Variants in BACH2 observed in about 807,000 individuals in gnomAD.
The protein encoded by BACH2 is transcription regulator protein BACH2.
In BACH2, 5 loss-of-function variants were observed where a neutral mutation model predicts 61.8. The ratio of observed to expected loss-of-function variants is 0.08; its 90% CI spans 0.04 to 0.17. The LOEUF is 0.17. Ranked by LOEUF, BACH2 falls within the 10% of genes least tolerant of loss-of-function variation. The probability of loss-of-function intolerance (pLI) is 1.00; values close to 1 mark genes in which losing one functional copy is unlikely to be tolerated. For missense variants in BACH2, 824 were observed against 1,091.1 expected, an observed-to-expected ratio of 0.76 and a Z score of 3.45; for synonymous variants, 446 against 440.1, an observed-to-expected ratio of 1.01 and a Z score of -0.17.
intron 6 of BACH2, among the ~76,000 whole-genome samples, chr6:89,967,422 C>T (rs377749587): frequency 6.6e-5 from 10 of 152,230 alleles, no homozygotes; most frequent in African/African-American, 1.4e-4. Flanking sequence ...TACAGCATCC[C>T]GGGTGTTCCA....
At chr6:89,983,214 C>T (rs891764913) in intron 6 of BACH2, among the ~76,000 whole-genome samples, 1 of 152,232 alleles carries the variant, frequency 6.6e-6, no homozygotes, top group African/African-American at 2.4e-5. Flanking sequence ...GGACATCATC[C>T]TTGCTTCTGT....
intron 3 of BACH2, among the ~76,000 whole-genome samples, chr6:90,232,647 G>C (rs887877736): frequency 6.6e-6 from 1 of 152,206 alleles, no homozygotes; most frequent in Non-Finnish European, 1.5e-5. Context: ...CAGTAGGGCT[G>C]CATGTCAACC....
chr6:90,164,457 GATTCACAGCTGA>G (rs972440070), intron 4 of BACH2, among the ~76,000 whole-genome samples: 282 of 151,560 alleles, frequency 1.9e-3, no homozygotes, highest in African/African-American at 6.4e-3. Context: ...GGACCAGATG[GATTCACAGCTGA>G]ATTCTACCAG....
chr6:90,011,672 C>T (rs1053735744), intron 5 of BACH2, among the ~76,000 whole-genome samples: 1 of 152,140 alleles, frequency 6.6e-6, no homozygotes, highest in African/African-American at 2.4e-5. Context: ...CCTGTAATCC[C>T]AGCACTTTGG....
At chr6:90,057,584 A>G (rs1251786701) in intron 5 of BACH2, among the ~76,000 whole-genome samples, 2 of 152,226 alleles carry the variant, frequency 1.3e-5, no homozygotes, top group Admixed American at 1.3e-4. Context: ...AAACTATTCC[A>G]ATCAACAGAA....
At position 90,265,417 on chromosome 6, in the gene BACH2, T is replaced by C. The variant is rs1771292253; in HGVS notation, c.-353+6432A>G. Among the ~76,000 whole-genome samples the C allele has an allele frequency of 3.3e-5, 5 of 152,330 alleles. No individual in the cohort carries two copies. The South Asian group carries it at 1.0e-3, about 32-fold the overall frequency. On this transcript the variant is annotated intron_variant, in intron 2 of 8. Transcript: ENST00000257749. ...ACTTTAGGCTGTACAAGTATTTTCT[T>C]TGGGATGCAAACACTTTGATATAAA...
chr6:90,218,956 TGACACAGA>T (rs1769642237), intron 3 of BACH2, among the ~76,000 whole-genome samples: 1 of 149,404 alleles, frequency 6.7e-6, no homozygotes, highest in Admixed American at 6.7e-5. Flanking sequence ...TGTGTGTGTG[TGACACAGA>T]GAGTGAGAGT....
At chr6:89,960,826 G>T (rs528679765) in intron 6 of BACH2, among the ~76,000 whole-genome samples, 4 of 152,206 alleles carry the variant, frequency 2.6e-5, no homozygotes, top group African/African-American at 9.7e-5. Context: ...TGATGTCTAG[G>T]GGGAGCGTTA....
chr6:90,189,347 G>T (rs1768474335), intron 4 of BACH2, among the ~76,000 whole-genome samples: 1 of 151,438 alleles, frequency 6.6e-6, no homozygotes, highest in Non-Finnish European at 1.5e-5. Context: ...GGTGGCTCAC[G>T]CCTGTAATCC....
At chr6:89,955,884 G>A (rs975101103) in intron 6 of BACH2, among the ~76,000 whole-genome samples, 6 of 152,116 alleles carry the variant, frequency 3.9e-5, no homozygotes, top group African/African-American at 9.7e-5. Context: ...TAAGAGGGGG[G>A]TGGGAGGTGG....
chr6:90,233,366 C>T (rs1364563664), intron 3 of BACH2, among the ~76,000 whole-genome samples: 1 of 152,182 alleles, frequency 6.6e-6, no homozygotes, highest in African/African-American at 2.4e-5. Context: ...AAGTCTTCAG[C>T]CTGCCTTGGA....
At chr6:90,229,847 A>G (rs564333722) in intron 3 of BACH2, among the ~76,000 whole-genome samples, 2 of 152,274 alleles carry the variant, frequency 1.3e-5, no homozygotes, top group African/African-American at 2.4e-5. Context: ...ATTGTTGCCC[A>G]TTGTGCCGTC....
chr6:90,103,981 G>GA (rs1782789680), intron 4 of BACH2, among the ~76,000 whole-genome samples: 1 of 152,194 alleles, frequency 6.6e-6, no homozygotes, highest in Non-Finnish European at 1.5e-5. Flanking sequence ...GTAGAGAAGT[G>GA]AAGTGGCCTG....
At chr6:90,095,955 T>C (rs1208388089) in intron 4 of BACH2, among the ~76,000 whole-genome samples, 2 of 152,180 alleles carry the variant, frequency 1.3e-5, no homozygotes, top group Non-Finnish European at 2.9e-5. Flanking sequence ...CAGGACAACA[T>C]GCAATCTGAA....
At chr6:89,936,950 T>C (rs1476270133) in intron 8 of BACH2, among the ~76,000 whole-genome samples, 4 of 152,014 alleles carry the variant, frequency 2.6e-5, no homozygotes, top group Non-Finnish European at 4.4e-5. Context: ...GATGAGTTTC[T>C]GTTATTTGGT....
chr6:89,952,139 C>T (rs1040376377), intron 6 of BACH2: 3 of 457,970 alleles, frequency 6.6e-6, no homozygotes, highest in Non-Finnish European at 1.2e-5. Flanking sequence ...TCAGTGTTTA[C>T]ACTAATGAAA....
At chr6:89,993,446 A>G (rs1237377352) in intron 6 of BACH2, among the ~76,000 whole-genome samples, 2 of 152,246 alleles carry the variant, frequency 1.3e-5, no homozygotes, top group Admixed American at 1.3e-4. Context: ...TGAAAAAAAG[A>G]TAAAAGATAT....
At position 89,929,643 on chromosome 6, in the gene BACH2, G is replaced by C. The variant is rs1480183044; in HGVS notation, c.*2765C>G. The stretch of plus-strand genomic sequence containing the variant: ...CAAGGCAGGGGTGGGTGGGAGGAAG[G>C]TGAGGTCTGAGTTAGGGTGGAGAGA... On this transcript the variant is annotated 3_prime_UTR_variant, in exon 9 of 9. Transcript: ENST00000257749. 1.3e-5 allele frequency: 2 copies of C among 152,294 alleles called. No homozygotes were observed. The highest frequency in any genetic ancestry group is 2.9e-5 in the Non-Finnish European group (2 of 68,054). The allele number at this position is 152,294 out of a possible 1,614,324, so 9.4% of individuals were successfully genotyped here.
At position 89,950,657 on chromosome 6, in the gene BACH2, A is replaced by T; in HGVS notation, c.1449T>A (p.Gly483=). ...CTGGCAAGTGGTCGGCCATCAGCCC[A>T]CCGTGGGAGTAGGCCTGCGAGCTGG... ...SLPSSQAYSH[G]GLMADHLPGR... is the part of the protein sequence containing the mutation. Residue 483 remains glycine, a synonymous_variant, in exon 7 of 9, where the codon GGT becomes GGA. Transcript: ENST00000257749. This position sits in a 1 kb window ranked among gnomAD's most constrained non-coding sequence, Gnocchi z 5.3. The T allele has an allele frequency of 6.2e-7, 1 of 1,614,124 alleles. No homozygotes were observed. The highest frequency in any genetic ancestry group is 8.5e-7 in the Non-Finnish European group (1 of 1,180,006).
Sources: allele counts gnomAD v4.1 joint callset (sites outside exome capture counted in the v4.1 genomes callset), GRCh38; gene constraint gnomAD v4.1.1; non-coding constraint Gnocchi (gnomAD v3.1); transcripts MANE v1.5; gene names NCBI Gene and HGNC (gene_info 2026-07-23, HGNC 2026-07-21).